Variants in RYR2 observed in about 807,000 individuals in gnomAD.
The protein encoded by RYR2 is cardiac muscle ryanodine receptor-calcium release channel.
A neutral mutation model predicts 601.1 loss-of-function variants in RYR2; 227 were observed. The observed-to-expected ratio is 0.38, with a 90% CI of 0.34 to 0.42. The LOEUF (loss-of-function observed/expected upper bound fraction) is 0.42, where lower values mean the gene tolerates loss of function less well. Ranked by LOEUF, RYR2 falls within the 10% of genes least tolerant of loss-of-function variation. The pLI, the probability that RYR2 is intolerant of heterozygous loss-of-function variation, is 1.00. For missense variants in RYR2, 4,646 were observed against 6,156.5 expected, an observed-to-expected ratio of 0.75 and a Z score of 8.21; for synonymous variants, 2,223 against 2,175.1, an observed-to-expected ratio of 1.02 and a Z score of -0.61.
At chr1:237,486,188 G>A (rs1662666185) in intron 17 of RYR2, among the ~76,000 whole-genome samples, 1 of 152,132 alleles carries the variant, frequency 6.6e-6, no homozygotes, top group Non-Finnish European at 1.5e-5. Context: ...ACAAAGAAAG[G>A]TGTTATGTTC....
intron 1 of RYR2, among the ~76,000 whole-genome samples, chr1:237,100,330 G>A (rs977541906): frequency 6.6e-6 from 1 of 151,638 alleles, no homozygotes; most frequent in Non-Finnish European, 1.5e-5. Flanking sequence ...ACTCAATCTC[G>A]CTTCTCGATT....
At chr1:237,731,198 G>T (rs925479705) in intron 77 of RYR2, among the ~76,000 whole-genome samples, 1 of 151,924 alleles carries the variant, frequency 6.6e-6, no homozygotes, top group Non-Finnish European at 1.5e-5. Context: ...CCACATTAAG[G>T]CTTAATTACA....
intron 70 of RYR2, 86 bp from the exon 71 acceptor site, chr1:237,711,659 G>A (rs1214521454): frequency 3.2e-5 from 22 of 694,134 alleles, no homozygotes; most frequent in Non-Finnish European, 5.6e-5. Context: ...ACTTATCTCT[G>A]TAAAAACTTG....
At chr1:237,294,454 C>T (rs891792582) in intron 2 of RYR2, among the ~76,000 whole-genome samples, 1 of 150,644 alleles carries the variant, frequency 6.6e-6, no homozygotes, top group Non-Finnish European at 1.5e-5. Flanking sequence ...AAAAAAAAAA[C>T]CCAAATCTCA....
Position 237,700,233 on chromosome 1 carries a change from G to T in RYR2, c.9133G>T (p.Val3045Leu). 1 of 1,550,780 alleles carries T rather than the reference G, an allele frequency of 6.4e-7. No individual in the cohort carries two copies. The highest frequency in any genetic ancestry group is 8.8e-7 in the Non-Finnish European group (1 of 1,141,284). Reference protein sequence around the residue: ...ILGQTLDARTVMKTGLESVKS... With the variant: ...ILGQTLDARTLMKTGLESVKS... Reference sequence around the variant, plus strand: ...CCTCCCTTATTTACTTTCTAGGACAGTGATGAAGACTGGCCTGGAGAGTGT... The same window carrying T: ...CCTCCCTTATTTACTTTCTAGGACATTGATGAAGACTGGCCTGGAGAGTGT... The change falls in exon 65 of 105, where the codon GTG (valine) becomes TTG (leucine). Residue 3045 changes from valine (V) to leucine (L), a missense_variant. Physicochemically the swap from Val to Leu is conservative, Grantham distance 32 (BLOSUM62 1). Around this residue, in one of 17 missense-constraint regions of RYR2, gnomAD observed 1,497 missense variants for 1,842.6 expected, o/e 0.81. Coordinates refer to ENST00000366574, the MANE Select transcript of RYR2 (RefSeq NM_001035.3).
rs145313864 is a variant in RYR2 at position 237,704,743 on chromosome 1, A to G, written c.9450-470A>G. 5.2e-3 allele frequency among the ~76,000 whole-genome samples: 793 copies of G among 152,220 alleles called. 5 individuals are homozygous for G. The highest frequency in any genetic ancestry group is 8.8e-3 in the Non-Finnish European group (600 of 67,984). ...ATAAAGTGATTGGGGAAACAAAAAA[A>G]AATTCAAAGGTAAGGAAAAGACATT... On this transcript the variant is annotated intron_variant, in intron 66 of 104. Transcript: ENST00000366574.
chr1:237,202,415 A>AT lies in RYR2; in HGVS notation c.49-68072dup, dbSNP rs977366598. On this transcript the variant is annotated intron_variant, in intron 1 of 104. Coordinates refer to ENST00000366574, the MANE Select transcript of RYR2 (RefSeq NM_001035.3). ...ATACCTGTACTTTCCTTTAAACAAC[A>AT]TTTTTTTTTTCAGTCAGGGTCTCGC... 2.7e-3 allele frequency among the ~76,000 whole-genome samples: 408 copies of AT among 148,708 alleles called. 1 individual carries two copies. The highest frequency in any genetic ancestry group is 8.5e-3 in the African/African-American group (345 of 40,514).
At chr1:237,300,519 C>A (rs1389522537) in intron 2 of RYR2, among the ~76,000 whole-genome samples, 1 of 152,186 alleles carries the variant, frequency 6.6e-6, no homozygotes, top group Non-Finnish European at 1.5e-5. Flanking sequence ...CCAAACACTA[C>A]TCTCGTCATT....
intron 17 of RYR2, among the ~76,000 whole-genome samples, chr1:237,474,252 C>CATAT (rs369381519): frequency 0.38 from 47,209 of 125,708 alleles, 8,155 homozygotes; most frequent in East Asian, 0.55. Context: ...TAGATATATA[C>CATAT]ATATGTATAG....
At chr1:237,826,518 G>A (rs1663110476) in intron 101 of RYR2, among the ~76,000 whole-genome samples, 1 of 152,058 alleles carries the variant, frequency 6.6e-6, no homozygotes, top group Non-Finnish European at 1.5e-5. Context: ...GGTTGGGATA[G>A]CATTAGGAAA....
intron 24 of RYR2, among the ~76,000 whole-genome samples, chr1:237,512,109 G>A (rs1448692800): frequency 6.6e-6 from 1 of 152,112 alleles, no homozygotes; most frequent in Non-Finnish European, 1.5e-5. Context: ...CTGTGGACCG[G>A]GACTGTGTCA....
Position 237,491,900 on chromosome 1 carries a change from A to G in RYR2, c.1803A>G (p.Leu601=). The G allele has an allele frequency of 3.7e-6, 5 of 1,366,220 alleles. No individual in the cohort carries two copies. Among genetic ancestry groups the G allele is most frequent in the Non-Finnish European group, 5.1e-6 (5 of 980,920 alleles). 84.6% of individuals were successfully genotyped at this position (1,366,220 alleles called of 1,614,324 possible). ...ATATTAAATCTATTATCTCACTTTTAGACAAACATGGAAGAAATCACAAGG... is the reference window on the plus strand; with the variant it reads ...ATATTAAATCTATTATCTCACTTTTGGACAAACATGGAAGAAATCACAAGG... ...EGHIKSIISL[L]DKHGRNHKVL... is the part of the protein sequence containing the mutation. Residue 601 remains leucine, a synonymous_variant, in exon 18 of 105, where the codon TTA becomes TTG. Coordinates refer to ENST00000366574, the MANE Select transcript of RYR2 (RefSeq NM_001035.3).
rs1177503964 is a variant in RYR2, at chr1:237,614,850, A to G, written c.5715+7A>G. 4 of 1,546,384 alleles carry G rather than the reference A, an allele frequency of 2.6e-6. No homozygotes were observed. Among genetic ancestry groups the G allele is most frequent in the Non-Finnish European group, 2.6e-6 (3 of 1,150,446 alleles). On this transcript the variant is annotated splice_region_variant and intron_variant, in intron 37 of 104. Coordinates refer to ENST00000366574, the MANE Select transcript of RYR2 (RefSeq NM_001035.3). The surrounding 1 kb of genome is among the most constrained non-coding windows in gnomAD (Gnocchi z 4.3). ...AGAGCCAGTTAAATTGCAGGTAATC[A>G]GAACAAGAGACTTGAGTGAATTTCA...
intron 29 of RYR2, among the ~76,000 whole-genome samples, chr1:237,586,830 C>T (rs757407320): frequency 3.6e-4 from 54 of 152,094 alleles, no homozygotes; most frequent in Non-Finnish European, 7.3e-4. Context: ...AGAGATTCTC[C>T]TGCCTCAGCC....
chr1:237,584,657 T>TTTG (rs769217878), intron 29 of RYR2, among the ~76,000 whole-genome samples: 2 of 135,604 alleles, frequency 1.5e-5, no homozygotes, highest in Non-Finnish European at 3.2e-5. Flanking sequence ...CTGTTTTTTT[T>TTTG]TTTTTTTTTT....
intron 14 of RYR2, among the ~76,000 whole-genome samples, chr1:237,447,984 A>G (rs1174401644): frequency 6.6e-6 from 1 of 150,768 alleles, no homozygotes; most frequent in East Asian, 1.9e-4. Context: ...CTAGAGTGCA[A>G]TGGCCCTATC....
Position 237,614,785 on chromosome 1 carries a change from G to C in RYR2, c.5657G>C (p.Gly1886Ala), listed in dbSNP as rs1455192615. 2.5e-6 allele frequency: 4 copies of C among 1,608,964 alleles called. No individual in the cohort carries two copies. In the Admixed American group the frequency reaches 5.0e-5, roughly 20 times the overall value. Residue 1886 changes from glycine to alanine, a missense_variant, in exon 37 of 105, where the codon GGC becomes GCC. Gly to Ala is a moderately conservative substitution (Grantham distance 60). This residue lies in a region of RYR2 where 1,807 missense variants were observed against 2,088.1 expected (regional missense o/e 0.87). Coordinates refer to ENST00000366574, the MANE Select transcript of RYR2 (RefSeq NM_001035.3). This position sits in a 1 kb window ranked among gnomAD's most constrained non-coding sequence, Gnocchi z 4.3. ...QGAGEEEAKG[G>A]KRPKEGLLQM... ...GCTGGTGAGGAAGAAGCCAAGGGGG[G>C]CAAGCGGCCCAAGGAAGGCCTGCTC...
intron 40 of RYR2, among the ~76,000 whole-genome samples, chr1:237,627,112 A>G (rs1026163792): frequency 6.6e-6 from 1 of 152,226 alleles, no homozygotes; most frequent in African/African-American, 2.4e-5. Flanking sequence ...CTCATCGTGC[A>G]TAAATTGGTC....
chr1:237,277,586 G>A (rs749672307), intron 2 of RYR2, among the ~76,000 whole-genome samples: 4 of 152,156 alleles, frequency 2.6e-5, no homozygotes, highest in Non-Finnish European at 4.4e-5. Context: ...GCAACATAGC[G>A]AGACCCTGTG....
Sources: allele counts gnomAD v4.1 joint callset (sites outside exome capture counted in the v4.1 genomes callset), GRCh38; gene constraint gnomAD v4.1.1; regional missense constraint gnomAD v4.1.1; non-coding constraint Gnocchi (gnomAD v3.1); transcripts MANE v1.5; gene names NCBI Gene and HGNC (gene_info 2026-07-23, HGNC 2026-07-21).